Variants in SGCD observed in about 807,000 individuals in gnomAD.
SGCD encodes the protein sarcoglycan delta.
SGCD carries 18 observed loss-of-function variants against 36.6 expected under a neutral mutation model. That is an observed-to-expected ratio of 0.49 (90% confidence interval 0.34 to 0.73). SGCD has a LOEUF of 0.73. SGCD is among the 30% of genes least tolerant of loss of function. The pLI, the probability that SGCD is intolerant of heterozygous loss-of-function variation, is 0.01. For missense variants in SGCD, 387 were observed against 346.7 expected (o/e 1.12, Z -0.92); for synonymous variants, 133 against 130.6 (o/e 1.02, Z -0.12).
rs538143783 is a variant in SGCD at position 156,436,967 on chromosome 5, T to C, written c.193-71634T>C. On this transcript the variant is annotated intron_variant, in intron 3 of 8. Transcript: ENST00000337851. ...GCAGCCACATAGAATTGGAGCATCTTATGGACAGAAAAGTCCTGGCTGTCA... is the reference window on the plus strand; with the variant it reads ...GCAGCCACATAGAATTGGAGCATCTCATGGACAGAAAAGTCCTGGCTGTCA... Among the ~76,000 whole-genome samples the C allele has an allele frequency of 2.4e-4, 37 of 152,264 alleles. No individual in the cohort carries two copies. The South Asian group carries it at 7.1e-3, about 29-fold the overall frequency.
chr5:156,628,738 G>A, intron 6 of SGCD, among the ~76,000 whole-genome samples: 1 of 152,250 alleles, frequency 6.6e-6, no homozygotes, highest in Middle Eastern at 3.4e-3. Flanking sequence ...TCAATAAAGG[G>A]GCTGCATGCA....
intron 3 of SGCD, among the ~76,000 whole-genome samples, chr5:156,292,913 G>C (rs1332453063): frequency 6.6e-6 from 1 of 152,050 alleles, no homozygotes; most frequent in Non-Finnish European, 1.5e-5. Flanking sequence ...AGAAATGTCT[G>C]TTTGTGCAAG....
At chr5:155,821,514 C>T in the SGCD span, among the ~76,000 whole-genome samples, 6 of 152,046 alleles carry the variant, frequency 3.9e-5, no homozygotes, top group Non-Finnish European at 5.9e-5. Flanking sequence ...GGGGTTTCAC[C>T]GTGTTAGCCA....
intron 7 of SGCD, among the ~76,000 whole-genome samples, chr5:156,692,405 A>T (rs1170940147): frequency 6.6e-6 from 1 of 152,214 alleles, no homozygotes; most frequent in Non-Finnish European, 1.5e-5. Flanking sequence ...AGCATGATGG[A>T]GTGGGGAGAA....
At chr5:156,378,271 G>A (rs890290454) in intron 3 of SGCD, among the ~76,000 whole-genome samples, 1 of 152,154 alleles carries the variant, frequency 6.6e-6, no homozygotes, top group Admixed American at 6.6e-5. Flanking sequence ...ATGATTCCCC[G>A]TGTGTGAGAT....
At chr5:156,410,772 T>C (rs1289467291) in intron 3 of SGCD, among the ~76,000 whole-genome samples, 1 of 152,216 alleles carries the variant, frequency 6.6e-6, no homozygotes, top group Non-Finnish European at 1.5e-5. Context: ...TCTTCCTTGC[T>C]AGTATCCCTT....
the SGCD span, among the ~76,000 whole-genome samples, chr5:155,814,963 A>C: frequency 6.6e-6 from 1 of 152,224 alleles, no homozygotes; most frequent in South Asian, 2.1e-4. Flanking sequence ...TGATCAGTTT[A>C]TATATAATCC....
At chr5:156,744,952 ATT>A (rs1240806685) in intron 7 of SGCD, among the ~76,000 whole-genome samples, 2 of 152,230 alleles carry the variant, frequency 1.3e-5, no homozygotes, top group Non-Finnish European at 2.9e-5. Context: ...AACTATTAAG[ATT>A]ATTCAACATT....
intron 4 of SGCD, among the ~76,000 whole-genome samples, chr5:156,534,826 A>G (rs1464488231): frequency 1.3e-5 from 2 of 152,208 alleles, no homozygotes; most frequent in African/African-American, 4.8e-5. Flanking sequence ...CAGGGTGCCT[A>G]CAACAGTGTC....
intron 4 of SGCD, among the ~76,000 whole-genome samples, chr5:156,556,930 T>C (rs1438743883): frequency 6.6e-6 from 1 of 152,172 alleles, no homozygotes; most frequent in Non-Finnish European, 1.5e-5. Context: ...ATTTCTACTG[T>C]TTGAAAGCAA....
chr5:156,612,125 T>A (rs1761839149), intron 6 of SGCD, among the ~76,000 whole-genome samples: 1 of 152,126 alleles, frequency 6.6e-6, no homozygotes, highest in Non-Finnish European at 1.5e-5. Context: ...CTTTTAGAGG[T>A]GTTGTTTTGC....
At chr5:155,836,470 AC>A in the SGCD span, among the ~76,000 whole-genome samples, 37 of 87,538 alleles carry the variant, frequency 4.2e-4, no homozygotes, top group Middle Eastern at 6.8e-3. Context: ...TCTGATACCC[AC>A]CCCCGCCCCG....
intron 6 of SGCD, among the ~76,000 whole-genome samples, chr5:156,644,603 T>A (rs1201446619): frequency 6.6e-6 from 1 of 152,102 alleles, no homozygotes; most frequent in Non-Finnish European, 1.5e-5. Flanking sequence ...AGTACAGGAT[T>A]ATTTTTTCTT....
chr5:156,303,287 G>C (rs1039040504), intron 3 of SGCD, among the ~76,000 whole-genome samples: 1 of 152,074 alleles, frequency 6.6e-6, no homozygotes, highest in Non-Finnish European at 1.5e-5. Flanking sequence ...ATGCTACTGG[G>C]CTACCATTGA....
chr5:155,733,014 GTTTTTT>G, the SGCD span, among the ~76,000 whole-genome samples: 1 of 141,556 alleles, frequency 7.1e-6, no homozygotes, highest in Non-Finnish European at 1.5e-5. Flanking sequence ...TGTTATACTC[GTTTTTT>G]TTTTTTTTTT....
chr5:155,755,168 A>C, the SGCD span, among the ~76,000 whole-genome samples: 1 of 152,156 alleles, frequency 6.6e-6, no homozygotes, highest in Non-Finnish European at 1.5e-5. Context: ...TAGCTTATGG[A>C]GAAATATTAT....
intron 3 of SGCD, among the ~76,000 whole-genome samples, chr5:156,466,987 G>C (rs951448622): frequency 7.9e-5 from 12 of 152,134 alleles, no homozygotes; most frequent in Admixed American, 5.2e-4. Flanking sequence ...GCACATGGGA[G>C]ACATGTTGAA....
chr5:155,759,437 T>C, the SGCD span, among the ~76,000 whole-genome samples: 1 of 152,226 alleles, frequency 6.6e-6, no homozygotes, highest in Non-Finnish European at 1.5e-5. Flanking sequence ...ACATAGATGA[T>C]ATTAATGCAG....
intron 3 of SGCD, among the ~76,000 whole-genome samples, chr5:156,365,897 CAT>C (rs1357948705): frequency 3.9e-5 from 5 of 128,776 alleles, no homozygotes; most frequent in African/African-American, 1.3e-4. Context: ...TACATGTATA[CAT>C]ATGTGTATAC....
Sources: allele counts gnomAD v4.1 joint callset (sites outside exome capture counted in the v4.1 genomes callset), GRCh38; gene constraint gnomAD v4.1.1; transcripts MANE v1.5; gene names NCBI Gene and HGNC (gene_info 2026-07-23, HGNC 2026-07-21).